LHFPL6: variants seen among roughly 807,000 people sequenced by gnomAD.
The protein encoded by LHFPL6 is LHFPL tetraspan subfamily member 6 protein.
Under a neutral mutation model 20.6 loss-of-function variants are expected in LHFPL6, and 9 were observed. That is an observed-to-expected ratio of 0.44 (90% CI 0.26 to 0.76). The LOEUF (loss-of-function observed/expected upper bound fraction) is 0.76, where lower values mean the gene tolerates loss of function less well. LHFPL6 is among the 30% of genes least tolerant of loss of function. LHFPL6 has a pLI of 0.20. For missense variants in LHFPL6, 218 were observed against 253.5 expected, an observed-to-expected ratio of 0.86 and a Z score of 0.95; for synonymous variants, 105 against 98.7, an observed-to-expected ratio of 1.06 and a Z score of -0.38.
At chr13:39,378,911 T>C (rs548293692) in intron 2 of LHFPL6, among the ~76,000 whole-genome samples, 1 of 152,336 alleles carries the variant, frequency 6.6e-6, no homozygotes, top group East Asian at 1.9e-4. Flanking sequence ...TGATTTCTTA[T>C]TCACTAGATT....
chr13:39,576,058 G>A (rs1255927713), intron 2 of LHFPL6, among the ~76,000 whole-genome samples: 1 of 152,172 alleles, frequency 6.6e-6, no homozygotes, highest in Non-Finnish European at 1.5e-5. Context: ...TACCCCAGGG[G>A]ATTTCTTAAA....
chr13:39,494,876 C>T (rs915291657), intron 2 of LHFPL6, among the ~76,000 whole-genome samples: 3 of 152,132 alleles, frequency 2.0e-5, no homozygotes, highest in African/African-American at 4.8e-5. Context: ...TTAATTAGTT[C>T]AGAATTTTCC....
intron 2 of LHFPL6, among the ~76,000 whole-genome samples, chr13:39,578,300 G>T (rs761891289): frequency 6.6e-6 from 1 of 152,174 alleles, no homozygotes; most frequent in African/African-American, 2.4e-5. Context: ...AGCAACAGCC[G>T]CGGACTACCT....
chr13:39,406,526 T>C (rs916401777), intron 2 of LHFPL6, among the ~76,000 whole-genome samples: 11 of 152,170 alleles, frequency 7.2e-5, no homozygotes, highest in Non-Finnish European at 2.9e-5. Flanking sequence ...TACTACCACA[T>C]ACATAAGTAA....
chr13:39,435,469 T>C (rs1408967129), intron 2 of LHFPL6, among the ~76,000 whole-genome samples: 4 of 152,210 alleles, frequency 2.6e-5, no homozygotes, highest in Non-Finnish European at 5.9e-5. Flanking sequence ...GTGGTATTAA[T>C]AAATACCATA....
chr13:39,452,629 G>A (rs1489007901), intron 2 of LHFPL6, among the ~76,000 whole-genome samples: 1 of 152,196 alleles, frequency 6.6e-6, no homozygotes, highest in Admixed American at 6.5e-5. Context: ...GACTCATTAT[G>A]ATGATACCCA....
At chr13:39,416,046 G>A (rs10492738) in intron 2 of LHFPL6, among the ~76,000 whole-genome samples, 5,081 of 152,274 alleles carry the variant, frequency 0.033, 261 homozygotes, top group East Asian at 0.19. Flanking sequence ...CAAGAAATGA[G>A]ATTATGCAGT....
intron 2 of LHFPL6, among the ~76,000 whole-genome samples, chr13:39,423,760 T>A (rs1261821615): frequency 6.6e-6 from 1 of 152,200 alleles, no homozygotes; most frequent in Non-Finnish European, 1.5e-5. Context: ...GCAAGTGAGA[T>A]AAAGTAGTGC....
chr13:39,567,169 T>G (rs1871751012), intron 2 of LHFPL6, among the ~76,000 whole-genome samples: 1 of 152,098 alleles, frequency 6.6e-6, no homozygotes, highest in Non-Finnish European at 1.5e-5. Flanking sequence ...GGCACAGAAT[T>G]AAGCAGGAAC....
At chr13:39,372,273 C>T (rs568796286) in intron 3 of LHFPL6, among the ~76,000 whole-genome samples, 1 of 152,364 alleles carries the variant, frequency 6.6e-6, no homozygotes, top group East Asian at 1.9e-4. Flanking sequence ...TTGAGCCAGA[C>T]TTGTATAACC....
chr13:39,521,656 AT>A (rs1455904413), intron 2 of LHFPL6, among the ~76,000 whole-genome samples: 7 of 152,310 alleles, frequency 4.6e-5, no homozygotes, highest in Admixed American at 1.3e-4. Context: ...AGAGAAAGCA[AT>A]GAATTGTATG....
intron 2 of LHFPL6, among the ~76,000 whole-genome samples, chr13:39,437,125 T>G (rs960782548): frequency 6.6e-6 from 1 of 152,242 alleles, no homozygotes; most frequent in Non-Finnish European, 1.5e-5. Flanking sequence ...AATCATATTA[T>G]TAGTATCGTT....
At chr13:39,588,391 C>T (rs369218689) in intron 2 of LHFPL6, among the ~76,000 whole-genome samples, 3 of 152,196 alleles carry the variant, frequency 2.0e-5, no homozygotes, top group South Asian at 2.1e-4. Context: ...TGGTATTTCC[C>T]AAAGTTTGTT....
At position 39,347,167 on chromosome 13, in the gene LHFPL6, C is replaced by T. The variant is rs1032939675; in HGVS notation, c.485-3113G>A. On this transcript the variant is annotated intron_variant, in intron 3 of 3. Transcript: ENST00000379589. ...TAGCCTATGAGGGCTTAAATGTCTGCTGACCTCTCACACTTCATGACCACT... is the reference window on the plus strand; with the variant it reads ...TAGCCTATGAGGGCTTAAATGTCTGTTGACCTCTCACACTTCATGACCACT... Among the ~76,000 whole-genome samples, 5 of 150,916 alleles carry T rather than the reference C, an allele frequency of 3.3e-5. No individual in the cohort carries two copies. In the South Asian group the frequency reaches 8.4e-4, roughly 25 times the overall value.
rs9576800 is a variant in LHFPL6 at position 39,441,175 on chromosome 13, G to T, written c.386-62649C>A. Reference sequence around the variant, plus strand: ...TTTTTTTTTTTTTTTTTGGAGAAAGGCTCTCTCTGTTGCTCAGGTTGATCT... The same window carrying T: ...TTTTTTTTTTTTTTTTTGGAGAAAGTCTCTCTCTGTTGCTCAGGTTGATCT... On this transcript the variant is annotated intron_variant, in intron 2 of 3. Transcript: ENST00000379589. 0.014 allele frequency among the ~76,000 whole-genome samples: 1,722 copies of T among 124,312 alleles called. 70 individuals carry two copies. The East Asian group carries it at 0.16, about 11-fold the overall frequency. 81.6% of individuals were successfully genotyped at this position (124,312 alleles called of 152,430 possible).
chr13:39,572,015 G>T (rs1017738530), intron 2 of LHFPL6, among the ~76,000 whole-genome samples: 3 of 152,142 alleles, frequency 2.0e-5, no homozygotes, highest in Non-Finnish European at 4.4e-5. Context: ...GAAAAATCCT[G>T]CATCAATATG....
chr13:39,490,991 T>C (rs1593333801), intron 2 of LHFPL6, among the ~76,000 whole-genome samples: 1 of 152,206 alleles, frequency 6.6e-6, no homozygotes, highest in Admixed American at 6.5e-5. Flanking sequence ...CACTCTGCTA[T>C]TTAATGCACT....
chr13:39,592,530 T>C (rs2138549946), intron 2 of LHFPL6, among the ~76,000 whole-genome samples: 1 of 152,336 alleles, frequency 6.6e-6, no homozygotes, highest in African/African-American at 2.4e-5. Flanking sequence ...CACAGCCGAA[T>C]TCTACCAGAG....
chr13:39,391,552 T>A (rs1870709108), intron 2 of LHFPL6, among the ~76,000 whole-genome samples: 1 of 152,188 alleles, frequency 6.6e-6, no homozygotes, highest in Non-Finnish European at 1.5e-5. Context: ...ACCTTATATA[T>A]AATCATTCAT....
Sources: allele counts gnomAD v4.1 joint callset (sites outside exome capture counted in the v4.1 genomes callset), GRCh38; gene constraint gnomAD v4.1.1; transcripts MANE v1.5; gene names NCBI Gene and HGNC (gene_info 2026-07-23, HGNC 2026-07-21).